TP53BP2: variants seen among roughly 807,000 people sequenced by gnomAD.
The protein encoded by TP53BP2 is tumor protein p53 binding protein 2.
Under a neutral mutation model 126.2 loss-of-function variants are expected in TP53BP2, and 62 were observed. That is an observed-to-expected ratio of 0.49 (90% CI 0.40 to 0.61). The LOEUF is 0.61. Among genes scored for constraint, TP53BP2 ranks in the 20% least tolerant of loss-of-function variants. The pLI is 0.00. For missense variants in TP53BP2, 1,215 were observed against 1,402.8 expected (o/e 0.87, Z 2.14); for synonymous variants, 485 against 502.9 (o/e 0.96, Z 0.48).
In TP53BP2 at chr1:223,785,808, G is replaced by A. The variant is rs182040720; in HGVS notation, c.3164-1494C>T. Among the ~76,000 whole-genome samples the A allele has an allele frequency of 1.1e-3, 174 of 152,212 alleles. 1 individual carries two copies. Among genetic ancestry groups the A allele is most frequent in the Admixed American group, 1.6e-3 (24 of 15,294 alleles). ...ACTAAAAACATGCTCAATCTTACCG[G>A]TAACTTGGGAAATGCAAACGAAAGC... is the stretch of plus-strand genomic sequence containing the variant. On this transcript the variant is annotated intron_variant, in intron 16 of 17. Coordinates refer to ENST00000343537, the MANE Select transcript of TP53BP2 (RefSeq NM_001031685.3).
At chr1:223,843,585 T>A (rs1449898680) in intron 1 of TP53BP2, among the ~76,000 whole-genome samples, 1 of 152,244 alleles carries the variant, frequency 6.6e-6, no homozygotes, top group African/African-American at 2.4e-5. Flanking sequence ...TTAAATATAG[T>A]TAAAATGGCA....
chr1:223,821,647 G>A (rs976781117), intron 1 of TP53BP2, among the ~76,000 whole-genome samples: 1 of 152,078 alleles, frequency 6.6e-6, no homozygotes, highest in African/African-American at 2.4e-5. Context: ...TATTCATGTT[G>A]TTTGCCAAAT....
intron 16 of TP53BP2, 100 bp downstream of exon 16, chr1:223,788,908 C>G: frequency 7.7e-7 from 1 of 1,304,594 alleles, no homozygotes; most frequent in Non-Finnish European, 1.1e-6. Flanking sequence ...ATGGATAACA[C>G]AAGATTTTTT....
intron 15 of TP53BP2, among the ~76,000 whole-genome samples, chr1:223,789,462 C>T (rs926243931): frequency 6.6e-6 from 1 of 152,148 alleles, no homozygotes; most frequent in Non-Finnish European, 1.5e-5. Flanking sequence ...TGTGTATAAA[C>T]ATTTAAGAAA....
chr1:223,793,271 C>CAAAA, intron 14 of TP53BP2, 32 bp downstream of exon 14: 1 of 1,192,734 alleles, frequency 8.4e-7, no homozygotes, highest in Non-Finnish European at 1.1e-6. Context: ...GACTCTGACT[C>CAAAA]AAAAAAAAAA....
rs1430772028 is a variant in TP53BP2 at position 223,780,681 on chromosome 1, T to C, written c.*172A>G. 3.6e-5 allele frequency: 24 copies of C among 658,458 alleles called. No individual in the cohort carries two copies. Among genetic ancestry groups the C allele is most frequent in the Non-Finnish European group, 5.7e-5 (22 of 388,986 alleles). The allele number at this position is 658,458 out of a possible 1,614,324, so 40.8% of individuals were successfully genotyped here. A position where few individuals can be genotyped will look rare whatever the true frequency, so the allele number is the denominator to read the frequency against. On this transcript the variant is annotated 3_prime_UTR_variant, in exon 18 of 18. Transcript: ENST00000343537. ...ATGCTTTATTTCATCACGCTAAATG[T>C]CCTCTAATGGTGAATTCTTCAATCC...
At chr1:223,837,593 C>A (rs1663964855) in intron 1 of TP53BP2, among the ~76,000 whole-genome samples, 1 of 148,972 alleles carries the variant, frequency 6.7e-6, no homozygotes, top group Admixed American at 6.8e-5. Context: ...ATTCTGTCAG[C>A]TGGGCCTTAG....
rs1187619949 is a variant in TP53BP2, at chr1:223,802,206, C to A, written c.1135G>T (p.Asp379Tyr). The stretch of plus-strand genomic sequence containing the variant: ...GAAGCCTGAATGACCAAGGAACCAT[C>A]CGGCAGGGCTGGCTTCACCAGCAAT... ...PELLVKPALP[D>Y]GSLVIQASEG... The change falls in exon 9 of 18, where the codon GAT becomes TAT. Residue 379 changes from aspartate (D) to tyrosine (Y), a missense_variant. By Grantham distance (160) the Asp-to-Tyr change is radical (BLOSUM62 -3). Coordinates refer to ENST00000343537, the MANE Select transcript of TP53BP2 (RefSeq NM_001031685.3). The A allele has an allele frequency of 1.2e-6, 2 of 1,614,106 alleles. No homozygotes were observed. Among genetic ancestry groups the A allele is most frequent in the Non-Finnish European group, 1.7e-6 (2 of 1,180,044 alleles).
chr1:223,828,505 G>A (rs937188851), intron 1 of TP53BP2, among the ~76,000 whole-genome samples: 11 of 152,100 alleles, frequency 7.2e-5, no homozygotes, highest in East Asian at 5.8e-4. Context: ...GATCCTTACC[G>A]TGAGATATGG....
intron 9 of TP53BP2, among the ~76,000 whole-genome samples, chr1:223,801,412 TATG>T (rs1461015488): frequency 6.6e-6 from 1 of 152,240 alleles, no homozygotes; most frequent in African/African-American, 2.4e-5. Context: ...TTTTTTTGCA[TATG>T]ATAATTGTAA....
At position 223,804,312 on chromosome 1, in the gene TP53BP2, G is replaced by C; in HGVS notation, c.511C>G (p.Arg171Gly). 1 of 1,613,662 alleles carries C rather than the reference G, an allele frequency of 6.2e-7. No individual in the cohort carries two copies. ...TGCTCAGCAACTTGTTGCTGTTGTC[G>C]CTGATCTTGTTGTTTCAAAAACTTT... ...RLKFLKQQDQ[R>G]QQQQVAEQEK... The change falls in exon 6 of 18, where the codon CGA (arginine) becomes GGA (glycine). Residue 171 changes from arginine (R) to glycine (G), a missense_variant. Arg to Gly is a moderately radical substitution (Grantham distance 125). This residue lies in a region of TP53BP2 where 814 missense variants were observed against 853.0 expected (regional missense o/e 0.95). Transcript: ENST00000343537.
chr1:223,817,945 T>C (rs1037405562), intron 2 of TP53BP2, among the ~76,000 whole-genome samples: 3 of 148,520 alleles, frequency 2.0e-5, no homozygotes, highest in Non-Finnish European at 4.5e-5. Context: ...AAAAAAAAGA[T>C]ACAGATTTAC....
At chr1:223,821,527 T>C in intron 1 of TP53BP2, 160 bp from the exon 2 acceptor site, 2 of 945,826 alleles carry the variant, frequency 2.1e-6, no homozygotes, top group Non-Finnish European at 3.4e-6. Context: ...GGACTGGGGG[T>C]TGAGGGAGAC....
intron 15 of TP53BP2, among the ~76,000 whole-genome samples, chr1:223,789,414 G>T (rs756837184): frequency 6.6e-6 from 1 of 152,196 alleles, no homozygotes; most frequent in Admixed American, 6.5e-5. Flanking sequence ...TTAGCAAAGG[G>T]TGAGAAGAAT....
intron 13 of TP53BP2, 42 bp downstream of exon 13, chr1:223,795,773 T>G (rs1662295529): frequency 7.1e-7 from 1 of 1,402,544 alleles, no homozygotes; most frequent in East Asian, 2.4e-5. Context: ...CGTAACAAAG[T>G]AAAGGACTCC....
In TP53BP2 at chr1:223,802,210, C is replaced by T; in HGVS notation, c.1131G>A (p.Leu377=). Residue 377 remains leucine (L), a synonymous_variant, in exon 9 of 18, where the codon CTG becomes CTA. Coordinates refer to ENST00000343537, the MANE Select transcript of TP53BP2 (RefSeq NM_001031685.3). ...CCTGAATGACCAAGGAACCATCCGG[C>T]AGGGCTGGCTTCACCAGCAATTCAG... ...SRPELLVKPA[L]PDGSLVIQAS... The T allele has an allele frequency of 6.2e-7, 1 of 1,614,200 alleles. No individual in the cohort carries two copies. Among genetic ancestry groups the T allele is most frequent in the East Asian group, 2.2e-5 (1 of 44,892 alleles).
Position 223,803,253 on chromosome 1 carries a change from C to A in TP53BP2, c.831+18G>T, listed in dbSNP as rs1662591393. 1.3e-6 allele frequency: 2 copies of A among 1,588,048 alleles called. No homozygotes were observed. Among genetic ancestry groups the A allele is most frequent in the Non-Finnish European group, 1.7e-6 (2 of 1,169,106 alleles). On this transcript the variant is annotated intron_variant, in intron 7 of 17. Transcript: ENST00000343537. ...GGAAAGGAGGTTGTACAGCTTTTGG[C>A]AAACAGCTACGGTCTACCTGCAGCT...
At chr1:223,803,204 A>T in intron 7 of TP53BP2, 67 bp downstream of exon 7, 2 of 1,509,122 alleles carry the variant, frequency 1.3e-6, no homozygotes, top group South Asian at 2.6e-5. Flanking sequence ...ACCTCTTGCT[A>T]CTTATATGAG....
chr1:223,822,846 C>T (rs530118408), intron 1 of TP53BP2, among the ~76,000 whole-genome samples: 1 of 152,078 alleles, frequency 6.6e-6, no homozygotes, highest in African/African-American at 2.4e-5. Flanking sequence ...AACAAGTTTT[C>T]GACAGTGATG....
Sources: allele counts gnomAD v4.1 joint callset (sites outside exome capture counted in the v4.1 genomes callset), GRCh38; gene constraint gnomAD v4.1.1; regional missense constraint gnomAD v4.1.1; transcripts MANE v1.5; gene names NCBI Gene and HGNC (gene_info 2026-07-23, HGNC 2026-07-21).